The following RELN variants were observed in gnomAD, a reference collection of about 807,000 sequenced individuals.
RELN encodes reelin.
RELN carries 108 observed loss-of-function variants against 427.6 expected under a neutral mutation model. That is an observed-to-expected ratio of 0.25 (90% confidence interval 0.22 to 0.30). The LOEUF (loss-of-function observed/expected upper bound fraction) is 0.30. Among genes scored for constraint, RELN ranks in the 10% least tolerant of loss-of-function variants. RELN has a pLI of 1.00. For missense variants in RELN, 3,715 were observed against 4,302.8 expected (o/e 0.86, Z 3.82); for synonymous variants, 1,524 against 1,513.4 (o/e 1.01, Z -0.16).
intron 28 of RELN, among the ~76,000 whole-genome samples, chr7:103,589,298 T>C (rs1463297849): frequency 2.0e-5 from 3 of 152,224 alleles, no homozygotes; most frequent in African/African-American, 7.2e-5. Context: ...CCTATTTCTT[T>C]ATGTATACAT....
At chr7:103,854,304 A>G (rs996083432) in intron 2 of RELN, among the ~76,000 whole-genome samples, 1 of 152,168 alleles carries the variant, frequency 6.6e-6, no homozygotes, top group Non-Finnish European at 1.5e-5. Flanking sequence ...TAGGTAAAAG[A>G]CTGAGTTGAT....
intron 11 of RELN, among the ~76,000 whole-genome samples, chr7:103,667,112 A>T (rs1833285393): frequency 6.6e-6 from 1 of 152,204 alleles, no homozygotes; most frequent in Admixed American, 6.5e-5. Context: ...AAATTATCAT[A>T]CTTGATCCAA....
In RELN at chr7:103,569,706, G is replaced by C. The variant is rs955149317; in HGVS notation, c.4588+2478C>G. 1.3e-5 allele frequency among the ~76,000 whole-genome samples: 2 copies of C among 152,140 alleles called. No homozygotes were observed. Among genetic ancestry groups the C allele is most frequent in the African/African-American group, 4.8e-5 (2 of 41,430 alleles). On this transcript the variant is annotated intron_variant, in intron 31 of 64. Coordinates refer to ENST00000428762, the MANE Select transcript of RELN (RefSeq NM_005045.4). The surrounding 1 kb of genome is among the most constrained non-coding windows in gnomAD (Gnocchi z 4.0). Reference sequence around the variant, plus strand: ...CCCAATTCCAAAGGACAAAGAAGGAGAGCCTCTCAGATAAGAATGAGAGGG... The same window carrying C: ...CCCAATTCCAAAGGACAAAGAAGGACAGCCTCTCAGATAAGAATGAGAGGG...
In RELN at chr7:103,921,824, C is replaced by T. The variant is rs1004814004; in HGVS notation, c.227-4639G>A. ...AAACCAGAACACGTTCTATACTTCT[C>T]TGCCTCCTGGCCTCTGCTCTTACCT... is the stretch of plus-strand genomic sequence containing the variant. On this transcript the variant is annotated intron_variant, in intron 1 of 64. Transcript: ENST00000428762. 4.8e-5 allele frequency among the ~76,000 whole-genome samples: 7 copies of T among 146,116 alleles called. No homozygotes were observed. The South Asian group carries it at 1.5e-3, about 31-fold the overall frequency.
intron 12 of RELN, among the ~76,000 whole-genome samples, chr7:103,654,930 C>T (rs897118097): frequency 3.3e-5 from 5 of 151,980 alleles, no homozygotes; most frequent in Admixed American, 3.3e-4. Flanking sequence ...ACATGTATGT[C>T]TTCTAACCTA....
intron 1 of RELN, among the ~76,000 whole-genome samples, chr7:103,932,395 G>C (rs1459299921): frequency 6.6e-6 from 1 of 152,198 alleles, no homozygotes; most frequent in Non-Finnish European, 1.5e-5. Flanking sequence ...TGAGGATGGA[G>C]AGTGGGAGGA....
intron 2 of RELN, among the ~76,000 whole-genome samples, chr7:103,847,752 G>T (rs1793715720): frequency 6.6e-6 from 1 of 151,958 alleles, no homozygotes; most frequent in Non-Finnish European, 1.5e-5. Context: ...CTCCTACATG[G>T]CTTGTATTTA....
At chr7:103,683,881 G>A (rs916615166) in intron 10 of RELN, among the ~76,000 whole-genome samples, 1 of 152,096 alleles carries the variant, frequency 6.6e-6, no homozygotes, top group African/African-American at 2.4e-5. Flanking sequence ...CACTCTCTAG[G>A]GAGCAAGGTC....
At chr7:103,797,987 T>C (rs1792351047) in intron 3 of RELN, among the ~76,000 whole-genome samples, 1 of 152,194 alleles carries the variant, frequency 6.6e-6, no homozygotes, top group African/African-American at 2.4e-5. Context: ...TTAAAATATT[T>C]TTGTGTGGAT....
chr7:103,602,051 C>A (rs936085665), intron 24 of RELN, among the ~76,000 whole-genome samples: 2 of 152,196 alleles, frequency 1.3e-5, no homozygotes, highest in African/African-American at 4.8e-5. Flanking sequence ...AACAGCTCTA[C>A]ATACCCCCAC....
At chr7:103,634,542 A>G (rs938710751) in intron 19 of RELN, among the ~76,000 whole-genome samples, 3 of 152,160 alleles carry the variant, frequency 2.0e-5, no homozygotes, top group Non-Finnish European at 4.4e-5. Context: ...AAATCTGACA[A>G]CGGATACTAT....
chr7:103,851,619 G>GC (rs1318579918), intron 2 of RELN, among the ~76,000 whole-genome samples: 5 of 152,268 alleles, frequency 3.3e-5, no homozygotes, highest in African/African-American at 1.2e-4. Context: ...AAACTTAATT[G>GC]TTTTCAATTC....
rs922987625 is a variant in RELN at position 103,503,087 on chromosome 7, C to T, written c.8418G>A (p.Gln2806=). Reference sequence around the variant, plus strand: ...CTTTAGTTGGAAAGAATACAGATGGCTGAGAAACACTTCCAGAGCATTTTG... The same window carrying T: ...CTTTAGTTGGAAAGAATACAGATGGTTGAGAAACACTTCCAGAGCATTTTG... ...ADPKCSGSVS[Q]PSVFFPTKGW... is the part of the protein sequence containing the mutation. The change falls in exon 52 of 65, where the codon CAG becomes CAA. Residue 2806 remains glutamine, a synonymous_variant. Coordinates refer to ENST00000428762, the MANE Select transcript of RELN (RefSeq NM_005045.4). The T allele has an allele frequency of 5.6e-6, 9 of 1,614,030 alleles. No homozygotes were observed. The highest frequency in any genetic ancestry group is 2.2e-5 in the East Asian group (1 of 44,880).
chr7:103,989,615 T>TGCGCCGCCGCCGCCTCTGC lies in RELN; in HGVS notation c.-278_-260dup, dbSNP rs1797185830. On this transcript the variant is annotated 5_prime_UTR_variant, in exon 1 of 65. Coordinates refer to ENST00000428762, the MANE Select transcript of RELN (RefSeq NM_005045.4). This position sits in a 1 kb window ranked among gnomAD's most constrained non-coding sequence, Gnocchi z 4.9. Reference sequence around the variant, plus strand: ...GAGAGCGCGTCGTCTGCCGCCTCCGTGCGCCGCCGCCGCCTCTGCGCGACG... The same window carrying TGCGCCGCCGCCGCCTCTGC: ...GAGAGCGCGTCGTCTGCCGCCTCCGTGCGCCGCCGCCGCCTCTGCGCGCCGCCGCCGCCTCTGCGCGACG... 1 of 313,248 alleles carries TGCGCCGCCGCCGCCTCTGC rather than the reference T, an allele frequency of 3.2e-6. No homozygotes were observed. Among genetic ancestry groups the TGCGCCGCCGCCGCCTCTGC allele is most frequent in the Non-Finnish European group, 5.6e-6 (1 of 178,860 alleles). 19.4% of individuals were successfully genotyped at this position (313,248 alleles called of 1,614,324 possible).
At chr7:103,765,856 C>A (rs538416791) in intron 4 of RELN, among the ~76,000 whole-genome samples, 1 of 152,106 alleles carries the variant, frequency 6.6e-6, no homozygotes. Context: ...ATGTATATAG[C>A]CCTCAGCACT....
chr7:103,615,939 T>C (rs1832069393), intron 20 of RELN, among the ~76,000 whole-genome samples: 4 of 152,182 alleles, frequency 2.6e-5, no homozygotes, highest in Non-Finnish European at 1.5e-5. Flanking sequence ...AAGGCTCTTT[T>C]ATATGAAAGG....
At chr7:103,586,564 G>C (rs943170557) in intron 28 of RELN, among the ~76,000 whole-genome samples, 2 of 151,936 alleles carry the variant, frequency 1.3e-5, no homozygotes, top group Non-Finnish European at 2.9e-5. Flanking sequence ...GAAATAAAAA[G>C]CATCCAAATT....
intron 3 of RELN, among the ~76,000 whole-genome samples, chr7:103,801,972 T>C (rs986530870): frequency 6.6e-6 from 1 of 152,218 alleles, no homozygotes; most frequent in African/African-American, 2.4e-5. Context: ...TGTTTACTAA[T>C]GCACTGGTAC....
At chr7:103,625,494 T>G (rs1412007489) in intron 20 of RELN, among the ~76,000 whole-genome samples, 2 of 152,212 alleles carry the variant, frequency 1.3e-5, no homozygotes, top group African/African-American at 4.8e-5. Context: ...AAAAAGTTGC[T>G]CATTATGTGG....
Sources: gnomAD v4.1 joint callset for allele counts (sites outside exome capture counted in the v4.1 genomes callset) on GRCh38, gnomAD v4.1.1 for gene constraint, Gnocchi (gnomAD v3.1) non-coding constraint, MANE v1.5 for transcripts, NCBI Gene and HGNC (gene_info 2026-07-23, HGNC 2026-07-21) for gene names.